Variants in PCDH9 observed in about 807,000 individuals in gnomAD.
PCDH9 encodes protocadherin-9.
A neutral mutation model predicts 70.6 loss-of-function variants in PCDH9; 24 were observed. That is an observed-to-expected ratio of 0.34 (90% CI 0.25 to 0.48). The LOEUF is 0.48. Ranked by LOEUF, PCDH9 falls within the 20% of genes least tolerant of loss-of-function variation. The pLI, the probability that PCDH9 is intolerant of heterozygous loss-of-function variation, is 0.99. For synonymous variants in PCDH9, 562 were observed against 558.5 expected, an observed-to-expected ratio of 1.01 and a Z score of -0.09; for missense variants, 1,281 against 1,503.6, an observed-to-expected ratio of 0.85 and a Z score of 2.45.
At chr13:66,797,602 C>T (rs533595811) in intron 3 of PCDH9, among the ~76,000 whole-genome samples, 8 of 152,000 alleles carry the variant, frequency 5.3e-5, no homozygotes, top group Non-Finnish European at 1.2e-4. Flanking sequence ...TATGCTATGG[C>T]GAATAAAACA....
intron 4 of PCDH9, among the ~76,000 whole-genome samples, chr13:66,400,740 C>T (rs1244243438): frequency 2.0e-5 from 3 of 151,984 alleles, no homozygotes; most frequent in Non-Finnish European, 2.9e-5. Flanking sequence ...GTGGAAAATG[C>T]ACAGTTTTTT....
chr13:66,645,178 A>C (rs1029459490), intron 3 of PCDH9, among the ~76,000 whole-genome samples: 1 of 152,092 alleles, frequency 6.6e-6, no homozygotes, highest in Non-Finnish European at 1.5e-5. Context: ...ATAACCAATC[A>C]AACGCAGCAG....
At chr13:66,379,457 G>A (rs1956804638) in intron 4 of PCDH9, among the ~76,000 whole-genome samples, 1 of 152,126 alleles carries the variant, frequency 6.6e-6, no homozygotes, top group Non-Finnish European at 1.5e-5. Context: ...CCATCACTGT[G>A]TTCTGGGGTT....
At chr13:66,504,858 G>T (rs1959195744) in intron 4 of PCDH9, among the ~76,000 whole-genome samples, 1 of 152,212 alleles carries the variant, frequency 6.6e-6, no homozygotes, top group South Asian at 2.1e-4. Context: ...CACTGCCATG[G>T]TTATCTTTTC....
At chr13:66,565,748 T>C (rs968279027) in intron 4 of PCDH9, among the ~76,000 whole-genome samples, 4 of 152,208 alleles carry the variant, frequency 2.6e-5, no homozygotes, top group African/African-American at 7.2e-5. Context: ...TTTACAGATA[T>C]TCAGACATAT....
intron 2 of PCDH9, chr13:67,215,687 A>C (rs933176470): frequency 6.6e-6 from 1 of 152,136 alleles, no homozygotes; most frequent in African/African-American, 2.4e-5. Flanking sequence ...TGATGGAAGA[A>C]TATATTTTGA....
chr13:66,532,626 TC>T (rs1378565437), intron 4 of PCDH9, among the ~76,000 whole-genome samples: 1 of 152,162 alleles, frequency 6.6e-6, no homozygotes, highest in African/African-American at 2.4e-5. Context: ...CACTGCAACC[TC>T]TGACTCCTGG....
chr13:66,569,285 T>TG (rs949078590), intron 4 of PCDH9, among the ~76,000 whole-genome samples: 2 of 152,086 alleles, frequency 1.3e-5, no homozygotes, highest in African/African-American at 4.8e-5. Context: ...CCCAAAGTTC[T>TG]GGGATTACAG....
chr13:66,594,684 G>A (rs7994983), intron 4 of PCDH9, among the ~76,000 whole-genome samples: 20,843 of 151,264 alleles, frequency 0.14, 1,698 homozygotes, highest in Middle Eastern at 0.22. Context: ...AGGTCCCAGT[G>A]TGTGTTGTTC....
intron 3 of PCDH9, among the ~76,000 whole-genome samples, chr13:66,833,071 C>T (rs912998402): frequency 2.0e-5 from 3 of 152,012 alleles, no homozygotes; most frequent in Admixed American, 2.0e-4. Flanking sequence ...TATTTTAAAT[C>T]GTATACTCTA....
intron 3 of PCDH9, among the ~76,000 whole-genome samples, chr13:66,687,701 C>T (rs1271647812): frequency 6.6e-6 from 1 of 151,878 alleles, no homozygotes; most frequent in Non-Finnish European, 1.5e-5. Flanking sequence ...ACATTTTTAC[C>T]CCTTACTCCC....
intron 3 of PCDH9, among the ~76,000 whole-genome samples, chr13:66,820,871 G>A (rs1281185567): frequency 2.0e-5 from 3 of 152,030 alleles, no homozygotes; most frequent in African/African-American, 4.8e-5. Context: ...AAATGATTAC[G>A]AAAAATAACT....
chr13:66,740,638 AT>A lies in PCDH9; in HGVS notation c.3139-109228del, dbSNP rs1055755681. 4.3e-3 allele frequency among the ~76,000 whole-genome samples: 651 copies of A among 150,500 alleles called. 2 individuals carry two copies. The highest frequency in any genetic ancestry group is 8.2e-3 in the East Asian group (42 of 5,104). ...AAGAGAGAAGAATCAAATAGACACAATAAAAAATGATAAAGGGGATATCACC... is the reference window on the plus strand; with the variant it reads ...AAGAGAGAAGAATCAAATAGACACAAAAAAAATGATAAAGGGGATATCACC... On this transcript the variant is annotated intron_variant, in intron 3 of 4. Coordinates refer to ENST00000377865, the MANE Select transcript of PCDH9 (RefSeq NM_203487.3).
chr13:66,875,334 G>A (rs2081785896), intron 3 of PCDH9, among the ~76,000 whole-genome samples: 1 of 152,128 alleles, frequency 6.6e-6, no homozygotes, highest in South Asian at 2.1e-4. Flanking sequence ...ATTAGATATA[G>A]ATCCACATGT....
At chr13:66,917,079 C>T (rs1223595838) in intron 2 of PCDH9, among the ~76,000 whole-genome samples, 1 of 151,502 alleles carries the variant, frequency 6.6e-6, no homozygotes, top group Admixed American at 6.6e-5. Context: ...AATTGCCTAC[C>T]TTATAAACTG....
intron 2 of PCDH9, among the ~76,000 whole-genome samples, chr13:67,063,992 A>G (rs1043773827): frequency 1.4e-4 from 22 of 151,970 alleles, no homozygotes; most frequent in Admixed American, 4.6e-4. Flanking sequence ...GAAATAGGAT[A>G]CTCCACTCTA....
At chr13:66,422,635 C>T (rs1170847392) in intron 4 of PCDH9, among the ~76,000 whole-genome samples, 1 of 152,142 alleles carries the variant, frequency 6.6e-6, no homozygotes, top group Non-Finnish European at 1.5e-5. Flanking sequence ...GTTCCAGAAT[C>T]TCTGGCACAC....
chr13:66,487,237 C>G (rs1189059187), intron 4 of PCDH9, among the ~76,000 whole-genome samples: 1 of 152,118 alleles, frequency 6.6e-6, no homozygotes, highest in Non-Finnish European at 1.5e-5. Flanking sequence ...AATATAGGCT[C>G]TCAATATGAA....
At chr13:66,374,375 C>T (rs534441240) in intron 4 of PCDH9, among the ~76,000 whole-genome samples, 3 of 151,728 alleles carry the variant, frequency 2.0e-5, no homozygotes, top group South Asian at 2.1e-4. Context: ...GAAAAATGAG[C>T]GTGAAGGAGG....
Sources: gnomAD v4.1 joint callset for allele counts (sites outside exome capture counted in the v4.1 genomes callset) on GRCh38, gnomAD v4.1.1 for gene constraint, MANE v1.5 for transcripts, NCBI Gene and HGNC (gene_info 2026-07-23, HGNC 2026-07-21) for gene names.